C18orf32: variants seen among roughly 807,000 people sequenced by gnomAD.
C18orf32 encodes the protein UPF0729 protein C18orf32.
C18orf32 carries 5 observed loss-of-function variants against 7.4 expected under a neutral mutation model. The ratio of observed to expected loss-of-function variants is 0.68; its 90% CI spans 0.35 to 1.42. C18orf32 has a LOEUF of 1.42. Among genes scored for constraint, C18orf32 ranks in the 40% most tolerant of loss-of-function variants. The probability of loss-of-function intolerance (pLI) is 0.04; values close to 1 mark genes in which losing one functional copy is unlikely to be tolerated. For missense variants in C18orf32, 88 were observed against 92.4 expected, an observed-to-expected ratio of 0.95 and a Z score of 0.19; for synonymous variants, 30 against 29.3, an observed-to-expected ratio of 1.02 and a Z score of -0.08.
intron 2 of C18orf32, 36 bp from the exon 3 acceptor site, chr18:49,482,446 A>G (rs367580381): frequency 3.3e-6 from 5 of 1,519,626 alleles, no homozygotes; most frequent in African/African-American, 2.7e-5. Flanking sequence ...TTATCATAAC[A>G]AGCCGGGTGC....
Position 49,481,088 on chromosome 18 carries a change from T to C in C18orf32, c.*1257A>G, listed in dbSNP as rs965783593. The stretch of plus-strand genomic sequence containing the variant: ...GTACTGTAAATATCTGTTATTTTTA[T>C]AATAGTATTTATACCTTAAAAAAGT... On this transcript the variant is annotated 3_prime_UTR_variant, in exon 3 of 3. Transcript: ENST00000318240. 12 of 152,246 alleles carry C rather than the reference T, an allele frequency of 7.9e-5. No individual in the cohort carries two copies. The highest frequency in any genetic ancestry group is 7.9e-4 in the Admixed American group (12 of 15,284). 9.4% of individuals were successfully genotyped at this position (152,246 alleles called of 1,614,324 possible). A position where few individuals can be genotyped will look rare whatever the true frequency, so the allele number is the denominator to read the frequency against.
chr18:49,484,450 G>T (rs939311112), intron 1 of C18orf32: 2 of 151,706 alleles, frequency 1.3e-5, no homozygotes, highest in Non-Finnish European at 2.9e-5. Context: ...AATCAGCGGG[G>T]TGTTGTGGCA....
Position 49,482,083 on chromosome 18 carries a change from T to C in C18orf32, c.*262A>G. The C allele has an allele frequency of 2.6e-6, 1 of 379,656 alleles. No homozygotes were observed. The highest frequency in any genetic ancestry group is 4.7e-6 in the Non-Finnish European group (1 of 211,510). 23.5% of individuals were successfully genotyped at this position (379,656 alleles called of 1,614,324 possible). ...ATAATGTCTACTGGCACAAACCTTC[T>C]ATTTAATCATATTATTCAAACAGCA... On this transcript the variant is annotated 3_prime_UTR_variant, in exon 3 of 3. Transcript: ENST00000318240.
intron 1 of C18orf32, chr18:49,486,116 C>A (rs1203590097): frequency 6.8e-6 from 1 of 147,582 alleles, no homozygotes; most frequent in East Asian, 2.0e-4. Context: ...AAAGTTGTAA[C>A]CTGTCCAAAG....
At position 49,483,677 on chromosome 18, in the gene C18orf32, T is replaced by C. The variant is rs1259031678; in HGVS notation, c.72A>G (p.Ile24Met). Residue 24 changes from isoleucine to methionine, a missense_variant, in exon 2 of 3, where the codon ATA becomes ATG. Ile to Met is a conservative substitution (Grantham distance 10). Transcript: ENST00000318240. The stretch of plus-strand genomic sequence containing the variant: ...TAACGAAGGGGGAAACCAGAGGGTA[T>C]ATATATGGCTCCAGGAATTTTTTGT... The part of the protein sequence containing the change: ...WIYKKFLEPY[I>M]YPLVSPFVSR... 1 of 1,613,912 alleles carries C rather than the reference T, an allele frequency of 6.2e-7. No individual in the cohort carries two copies. The highest frequency in any genetic ancestry group is 1.1e-5 in the South Asian group (1 of 90,994).
chr18:49,484,351 G>A lies in C18orf32; in HGVS notation c.-23-580C>T, dbSNP rs541188619. On this transcript the variant is annotated intron_variant, in intron 1 of 2. Coordinates refer to ENST00000318240, the MANE Select transcript of C18orf32 (RefSeq NM_001035005.4). ...CTCATGGCTGTAATCCCAGCACTTT[G>A]GGAGGCCAAGGCGGGTGGATCATGA... 7.9e-4 allele frequency among the ~76,000 whole-genome samples: 121 copies of A among 152,240 alleles called. 1 individual carries two copies. The highest frequency in any genetic ancestry group is 2.8e-3 in the African/African-American group (118 of 41,550).
intron 2 of C18orf32, 106 bp from the exon 3 acceptor site, chr18:49,482,516 C>G: frequency 1.4e-6 from 1 of 731,184 alleles, no homozygotes; most frequent in Non-Finnish European, 2.3e-6. Context: ...ATCACGAGGT[C>G]AGAAGATCGA....
chr18:49,483,743 C>T lies in C18orf32; in HGVS notation c.6G>A (p.Val2=). The change falls in exon 2 of 3, where the codon GTG becomes GTA. Residue 2 remains valine, a synonymous_variant. Transcript: ENST00000318240. ...CTGGAATGACGATACAAGGAATGCA[C>T]ACCATTTTCCCAAGCTTGAGCTCCT... M[V]CIPCIVIPVL... 1 of 1,608,180 alleles carries T rather than the reference C, an allele frequency of 6.2e-7. No homozygotes were observed. The highest frequency in any genetic ancestry group is 1.1e-5 in the South Asian group (1 of 89,400).
In C18orf32 at chr18:49,480,987, C is replaced by T. The variant is rs891808002; in HGVS notation, c.*1358G>A. 4.6e-5 allele frequency: 7 copies of T among 151,984 alleles called. No individual in the cohort carries two copies. The highest frequency in any genetic ancestry group is 1.7e-4 in the African/African-American group (7 of 41,330). 9.4% of individuals were successfully genotyped at this position (151,984 alleles called of 1,614,324 possible). A position where few individuals can be genotyped will look rare whatever the true frequency, so the allele number is the denominator to read the frequency against. ...CAACAACAAAAAAACAATTGGTTAC[C>T]TCTGTGGAGCTGGAATAAGGGAATG... On this transcript the variant is annotated 3_prime_UTR_variant, in exon 3 of 3. Transcript: ENST00000318240.
chr18:49,483,812 T>C, intron 1 of C18orf32, 41 bp from the exon 2 acceptor site: 2 of 1,572,188 alleles, frequency 1.3e-6, no homozygotes, highest in Middle Eastern at 3.4e-4. Context: ...TCATCACAGA[T>C]TAGTAACTGA....
chr18:49,483,832 C>T (rs1167710311), intron 1 of C18orf32, 61 bp from the exon 2 acceptor site: 2 of 1,554,654 alleles, frequency 1.3e-6, no homozygotes, highest in East Asian at 4.6e-5. Context: ...AAAGAATTTA[C>T]CAAGATTAAG....
intron 1 of C18orf32, among the ~76,000 whole-genome samples, chr18:49,485,040 C>G (rs1011316931): frequency 3.9e-5 from 6 of 152,038 alleles, no homozygotes; most frequent in Non-Finnish European, 5.9e-5. Context: ...CAAGATCATG[C>G]CACTGCATTC....
At chr18:49,483,847 C>T in intron 1 of C18orf32, 76 bp from the exon 2 acceptor site, 1 of 1,518,428 alleles carries the variant, frequency 6.6e-7, no homozygotes, top group Non-Finnish European at 8.9e-7. Context: ...ATTAAGATAT[C>T]TGAAAGGGGA....
chr18:49,486,082 A>T (rs2083740346), intron 1 of C18orf32: 1 of 144,118 alleles, frequency 6.9e-6, no homozygotes. Context: ...CCCTGTCTCA[A>T]GATTAAAAAA....
At chr18:49,485,041 C>G (rs1017389951) in intron 1 of C18orf32, among the ~76,000 whole-genome samples, 1 of 152,048 alleles carries the variant, frequency 6.6e-6, no homozygotes, top group African/African-American at 2.4e-5. Flanking sequence ...AAGATCATGC[C>G]ACTGCATTCC....
rs1462765771 is a variant in C18orf32 at position 49,483,609 on chromosome 18, G to A, written c.140C>T (p.Thr47Ile). 1 of 1,607,538 alleles carries A rather than the reference G, an allele frequency of 6.2e-7. No homozygotes were observed. Among genetic ancestry groups the A allele is most frequent in the Non-Finnish European group, 8.5e-7 (1 of 1,178,598 alleles). ...CTTAAAGTTTACTTTGCCTTTGTTT[G>A]TATCATTGGATTCTTGTATTGCTTT... The part of the protein sequence containing the change: ...PKKAIQESND[T>I]NKGKVNFKGA... Residue 47 changes from threonine to isoleucine, a missense_variant, in exon 2 of 3, where the codon ACA becomes ATA. Coordinates refer to ENST00000318240, the MANE Select transcript of C18orf32 (RefSeq NM_001035005.4).
In C18orf32 at chr18:49,480,207, A is replaced by T. The variant is rs2083649762; in HGVS notation, c.*2138T>A. The T allele has an allele frequency of 6.5e-6, 1 of 152,824 alleles. No homozygotes were observed. Among genetic ancestry groups the T allele is most frequent in the African/African-American group, 2.4e-5 (1 of 41,440 alleles). The allele number at this position is 152,824 out of a possible 1,614,324, so 9.5% of individuals were successfully genotyped here. A position where few individuals can be genotyped will look rare whatever the true frequency, so the allele number is the denominator to read the frequency against. On this transcript the variant is annotated 3_prime_UTR_variant, in exon 3 of 3. Transcript: ENST00000318240. Reference sequence around the variant, plus strand: ...GTGGCACACACCTGTAGTCCTAGCAATTCAGGAGGCTGAGGTGGGAGGATC... The same window carrying T: ...GTGGCACACACCTGTAGTCCTAGCATTTCAGGAGGCTGAGGTGGGAGGATC...
rs2083662864 is a variant in C18orf32 at position 49,481,609 on chromosome 18, GA to G, written c.*735del. On this transcript the variant is annotated 3_prime_UTR_variant, in exon 3 of 3. Coordinates refer to ENST00000318240, the MANE Select transcript of C18orf32 (RefSeq NM_001035005.4). ...TCCAAATTCTGCCTTCTGACGTGGT[GA>G]AAAATTTCCCTTTTGAATATTTCAA... The G allele has an allele frequency of 1.3e-5, 2 of 152,160 alleles. No individual in the cohort carries two copies. The highest frequency in any genetic ancestry group is 4.1e-4 in the South Asian group (2 of 4,836). 9.4% of individuals were successfully genotyped at this position (152,160 alleles called of 1,614,324 possible).
intron 1 of C18orf32, among the ~76,000 whole-genome samples, chr18:49,485,138 C>A (rs2083721955): frequency 6.6e-6 from 1 of 152,154 alleles, no homozygotes; most frequent in Admixed American, 6.5e-5. Context: ...CTGCTGGCAA[C>A]TGAGTCAGCA....
Sources: gnomAD v4.1 joint callset for allele counts (sites outside exome capture counted in the v4.1 genomes callset) on GRCh38, gnomAD v4.1.1 for gene constraint, MANE v1.5 for transcripts, NCBI Gene and HGNC (gene_info 2026-07-23, HGNC 2026-07-21) for gene names.